The following WDTC1 variants were observed in gnomAD, a reference collection of about 807,000 sequenced individuals.
WDTC1 encodes WD and tetratricopeptide repeats 1.
WDTC1 carries 12 observed loss-of-function variants against 76.0 expected under a neutral mutation model. The observed-to-expected ratio is 0.16, with a 90% confidence interval of 0.10 to 0.26. The LOEUF is 0.26. Among genes scored for constraint, WDTC1 ranks in the 10% least tolerant of loss-of-function variants. The pLI, the probability that WDTC1 is intolerant of heterozygous loss-of-function variation, is 1.00. For missense variants in WDTC1, 511 were observed against 908.8 expected (o/e 0.56, Z 5.63); for synonymous variants, 326 against 350.8 (o/e 0.93, Z 0.79).
In WDTC1 at chr1:27,303,810, AGAG is replaced by A. The variant is rs773605696; in HGVS notation, c.1643+20_1643+22del. The A allele has an allele frequency of 6.2e-7, 1 of 1,613,858 alleles. No individual in the cohort carries two copies. Among genetic ancestry groups the A allele is most frequent in the East Asian group, 2.2e-5 (1 of 44,854 alleles). On this transcript the variant is annotated intron_variant, in intron 14 of 15. Coordinates refer to ENST00000319394, the MANE Select transcript of WDTC1 (RefSeq NM_001276252.2). This position sits in a 1 kb window ranked among gnomAD's most constrained non-coding sequence, Gnocchi z 4.8. The stretch of plus-strand genomic sequence containing the variant: ...TTCTTTGGCAGGTCCGAGGCCCTGA[AGAG>A]GAGGGTGCAGCCCAGTTGGCAGCGG...
At chr1:27,254,907 G>A (rs568693787) in intron 1 of WDTC1, among the ~76,000 whole-genome samples, 1 of 151,602 alleles carries the variant, frequency 6.6e-6, no homozygotes, top group Non-Finnish European at 1.5e-5. Context: ...GATTACAGGC[G>A]TAAGCCACCG....
chr1:27,239,774 GCACT>G (rs2011573545), intron 1 of WDTC1, among the ~76,000 whole-genome samples: 1 of 137,820 alleles, frequency 7.3e-6, no homozygotes, highest in South Asian at 2.3e-4. Flanking sequence ...AAGATCGTGT[GCACT>G]CCAGCCTGGG....
chr1:27,280,943 C>CCTTTTT (rs1388471940), intron 3 of WDTC1, among the ~76,000 whole-genome samples: 1 of 152,040 alleles, frequency 6.6e-6, no homozygotes, highest in Non-Finnish European at 1.5e-5. Context: ...GTATCTCTCT[C>CCTTTTT]CTTTTTCTTT....
chr1:27,295,832 C>A (rs1263134752), intron 9 of WDTC1, among the ~76,000 whole-genome samples: 2 of 152,148 alleles, frequency 1.3e-5, no homozygotes, highest in Non-Finnish European at 2.9e-5. Flanking sequence ...GTGGTACAAT[C>A]TCAGGTCACT....
At chr1:27,269,949 G>T (rs1019689318) in intron 3 of WDTC1, among the ~76,000 whole-genome samples, 1 of 136,334 alleles carries the variant, frequency 7.3e-6, no homozygotes, top group Non-Finnish European at 1.6e-5. Flanking sequence ...TGTTGTTGTT[G>T]TTTTTGAGAC....
chr1:27,287,783 C>G lies in WDTC1; in HGVS notation c.401C>G (p.Thr134Arg). The G allele has an allele frequency of 5.0e-6, 8 of 1,614,108 alleles. No homozygotes were observed. The highest frequency in any genetic ancestry group is 3.4e-6 in the Non-Finnish European group (4 of 1,179,996). ...KETIHMFGDH[T>R]NRVKRIATAP... The stretch of plus-strand genomic sequence containing the variant: ...ACCATCCACATGTTTGGAGACCACA[C>G]AAACCGGGTGAAGCGCATCGCCACA... Residue 134 changes from threonine to arginine, a missense_variant, in exon 6 of 16, where the codon ACA becomes AGA. By Grantham distance (71) the Thr-to-Arg change is moderately conservative. Coordinates refer to ENST00000319394, the MANE Select transcript of WDTC1 (RefSeq NM_001276252.2).
intron 9 of WDTC1, among the ~76,000 whole-genome samples, 169 bp from the exon 10 acceptor site, chr1:27,296,157 C>T (rs1470456930): frequency 6.6e-6 from 1 of 152,108 alleles, no homozygotes; most frequent in Non-Finnish European, 1.5e-5. Context: ...GGAAGATTTT[C>T]CAGCCTGAGG....
intron 1 of WDTC1, among the ~76,000 whole-genome samples, chr1:27,243,198 ATTTTTTTTTTTT>A (rs10714028): frequency 6.6e-5 from 4 of 60,250 alleles, no homozygotes; most frequent in Non-Finnish European, 1.0e-4. Context: ...CTGGCCAGTA[ATTTTTTTTTTTT>A]TTTTTTTTTT....
At chr1:27,273,413 T>G (rs557889544) in intron 3 of WDTC1, among the ~76,000 whole-genome samples, 3 of 152,094 alleles carry the variant, frequency 2.0e-5, no homozygotes, top group Admixed American at 2.0e-4. Flanking sequence ...TTTCACCATG[T>G]TAGCCAGGAT....
rs2012093771 is a variant in WDTC1 at position 27,252,231 on chromosome 1, C to T, written c.-99-8725C>T. Among the ~76,000 whole-genome samples, 6 of 151,844 alleles carry T rather than the reference C, an allele frequency of 4.0e-5. No individual in the cohort carries two copies. The South Asian group carries it at 1.0e-3, about 26-fold the overall frequency. On this transcript the variant is annotated intron_variant, in intron 1 of 15. Coordinates refer to ENST00000319394, the MANE Select transcript of WDTC1 (RefSeq NM_001276252.2). ...GCATGGTGGCACACACATGTGGTCC[C>T]AGCTACTCAGGAGGGTGAGGTGGCA...
chr1:27,298,370 C>T (rs2013745807), intron 12 of WDTC1, among the ~76,000 whole-genome samples: 1 of 152,210 alleles, frequency 6.6e-6, no homozygotes. Context: ...CTAGTTTCTA[C>T]ATGGCATATT....
chr1:27,287,900 C>T (rs1397382273), intron 6 of WDTC1, 39 bp downstream of exon 6: 1 of 1,588,008 alleles, frequency 6.3e-7, no homozygotes, highest in Non-Finnish European at 8.6e-7. Flanking sequence ...TGTCGCTCCC[C>T]CATCCCATCA....
intron 1 of WDTC1, among the ~76,000 whole-genome samples, chr1:27,260,393 C>A (rs996059617): frequency 6.6e-6 from 1 of 152,214 alleles, no homozygotes; most frequent in Non-Finnish European, 1.5e-5. Flanking sequence ...GTGTGAGCCA[C>A]CGCGCCCGGC....
intron 1 of WDTC1, among the ~76,000 whole-genome samples, chr1:27,245,246 GTTCAAA>G (rs1272156021): frequency 2.0e-5 from 3 of 151,810 alleles, no homozygotes; most frequent in Non-Finnish European, 4.4e-5. Context: ...TTGTTGCAAA[GTTCAAA>G]TTAAAAGCTT....
At chr1:27,266,378 C>T (rs2012677695) in intron 3 of WDTC1, among the ~76,000 whole-genome samples, 1 of 152,170 alleles carries the variant, frequency 6.6e-6, no homozygotes, top group South Asian at 2.1e-4. Context: ...GGAGGGAATA[C>T]TATTTGCATT....
intron 9 of WDTC1, among the ~76,000 whole-genome samples, chr1:27,295,896 G>C (rs2013670588): frequency 6.6e-6 from 1 of 152,246 alleles, no homozygotes; most frequent in African/African-American, 2.4e-5. Context: ...CTCCTGAGTA[G>C]CTGGGACCAC....
At chr1:27,278,683 A>G (rs1248326485) in intron 3 of WDTC1, among the ~76,000 whole-genome samples, 2 of 152,162 alleles carry the variant, frequency 1.3e-5, no homozygotes, top group Non-Finnish European at 2.9e-5. Flanking sequence ...TGTTATTTTT[A>G]TACTCATTAT....
chr1:27,281,227 C>T (rs12118813), intron 3 of WDTC1, among the ~76,000 whole-genome samples: 112,251 of 151,890 alleles, frequency 0.74, 42,478 homozygotes, highest in East Asian at 0.86. Flanking sequence ...TTTGGGAGGC[C>T]GAGGCGGGCG....
rs1381319555 is a variant in WDTC1, at chr1:27,307,226, G to A, written c.*843G>A. 6.5e-6 allele frequency: 1 copy of A among 152,976 alleles called. No individual in the cohort carries two copies. The allele number at this position is 152,976 out of a possible 1,614,324, so 9.5% of individuals were successfully genotyped here. On this transcript the variant is annotated 3_prime_UTR_variant, in exon 16 of 16. Coordinates refer to ENST00000319394, the MANE Select transcript of WDTC1 (RefSeq NM_001276252.2). The surrounding 1 kb of genome is among the most constrained non-coding windows in gnomAD (Gnocchi z 4.1). ...CTGCTGAGGTGGCGCTTCCTGCTAAGGGCCCTTCTCTGCCCTTTCTGCCCT... is the reference window on the plus strand; with the variant it reads ...CTGCTGAGGTGGCGCTTCCTGCTAAAGGCCCTTCTCTGCCCTTTCTGCCCT...
Sources: gnomAD v4.1 joint callset for allele counts (sites outside exome capture counted in the v4.1 genomes callset) on GRCh38, gnomAD v4.1.1 for gene constraint, Gnocchi (gnomAD v3.1) non-coding constraint, MANE v1.5 for transcripts, NCBI Gene and HGNC (gene_info 2026-07-23, HGNC 2026-07-21) for gene names.